SORCS1: variants seen among roughly 807,000 people sequenced by gnomAD.
The protein encoded by SORCS1 is sortilin related VPS10 domain containing receptor 1.
SORCS1 carries 60 observed loss-of-function variants against 146.1 expected under a neutral mutation model. The observed-to-expected ratio is 0.41, with a 90% CI of 0.33 to 0.51. The LOEUF (loss-of-function observed/expected upper bound fraction) is 0.51, where lower values mean the gene tolerates loss of function less well. SORCS1 is among the 20% of genes least tolerant of loss of function. The pLI, the probability that SORCS1 is intolerant of heterozygous loss-of-function variation, is 0.21. For synonymous variants in SORCS1, 637 were observed against 584.0 expected (o/e 1.09, Z -1.31); for missense variants, 1,352 against 1,487.6 (o/e 0.91, Z 1.50).
At chr10:106,810,857 T>C (rs1412505870) in intron 3 of SORCS1, among the ~76,000 whole-genome samples, 6 of 152,136 alleles carry the variant, frequency 3.9e-5, no homozygotes, top group African/African-American at 1.4e-4. Context: ...AGCAGCCAAA[T>C]GCAAAATACA....
chr10:106,954,153 T>G (rs1014268121), intron 2 of SORCS1, among the ~76,000 whole-genome samples: 3 of 152,268 alleles, frequency 2.0e-5, no homozygotes, highest in Admixed American at 6.5e-5. Context: ...TGCAGGCATG[T>G]TCTTTCCACT....
chr10:106,954,416 T>C (rs1256442252), intron 2 of SORCS1, among the ~76,000 whole-genome samples: 1 of 152,122 alleles, frequency 6.6e-6, no homozygotes, highest in African/African-American at 2.4e-5. Flanking sequence ...GGCTCCTTAA[T>C]GCACAAAAAA....
chr10:106,612,330 C>T (rs1256397882), intron 21 of SORCS1, among the ~76,000 whole-genome samples: 36 of 111,842 alleles, frequency 3.2e-4, no homozygotes, highest in African/African-American at 1.2e-3. Flanking sequence ...CCCCAGACTA[C>T]CCCTGGCCCC....
chr10:106,804,775 C>G (rs1947081172), intron 3 of SORCS1, among the ~76,000 whole-genome samples: 1 of 152,080 alleles, frequency 6.6e-6, no homozygotes, highest in East Asian at 1.9e-4. Context: ...ACATATATTA[C>G]AGCAACCCCT....
chr10:106,813,814 C>A (rs538152649), intron 3 of SORCS1, among the ~76,000 whole-genome samples: 3 of 151,898 alleles, frequency 2.0e-5, no homozygotes, highest in African/African-American at 4.8e-5. Flanking sequence ...GGACAGTGGG[C>A]GGTGTCATGT....
At chr10:106,704,744 G>A (rs1245288344) in intron 8 of SORCS1, among the ~76,000 whole-genome samples, 1 of 152,096 alleles carries the variant, frequency 6.6e-6, no homozygotes, top group Non-Finnish European at 1.5e-5. Context: ...TTATTCCCAA[G>A]AGTGCGCATA....
chr10:107,010,924 A>AT (rs1957671665), intron 1 of SORCS1, among the ~76,000 whole-genome samples: 1 of 152,078 alleles, frequency 6.6e-6, no homozygotes, highest in Non-Finnish European at 1.5e-5. Flanking sequence ...GAACACAGTG[A>AT]TTTTTTCACA....
At chr10:106,882,192 A>G (rs7098694) in intron 2 of SORCS1, among the ~76,000 whole-genome samples, 74,668 of 151,678 alleles carry the variant, frequency 0.49, 18,947 homozygotes, top group African/African-American at 0.63. Context: ...CAATCTTTTG[A>G]CTTCCCTAGG....
chr10:107,091,507 C>G (rs1964176772), intron 1 of SORCS1, among the ~76,000 whole-genome samples: 1 of 152,182 alleles, frequency 6.6e-6, no homozygotes, highest in African/African-American at 2.4e-5. Context: ...CCTCTGGCCT[C>G]CTGACAGTCC....
intron 24 of SORCS1, among the ~76,000 whole-genome samples, chr10:106,589,650 T>C (rs564743024): frequency 2.4e-4 from 34 of 143,360 alleles, no homozygotes; most frequent in Non-Finnish European, 1.3e-4. Flanking sequence ...ATATGTTTGA[T>C]GACATCCAAC....
rs77405206 is a variant in SORCS1 at position 106,938,877 on chromosome 10, T to C, written c.626+17636A>G. On this transcript the variant is annotated intron_variant, in intron 2 of 25. Transcript: ENST00000263054. ...TCAGCAAAACTCTGACTGCTAAGGT[T>C]ATTGTAGGCTGGGACATCCTGCTGC... Among the ~76,000 whole-genome samples the C allele has an allele frequency of 4.2e-4, 64 of 152,306 alleles. No homozygotes were observed. The East Asian group carries it at 0.012, about 28-fold the overall frequency.
At chr10:106,914,227 A>C (rs747419725) in intron 2 of SORCS1, among the ~76,000 whole-genome samples, 1 of 152,234 alleles carries the variant, frequency 6.6e-6, no homozygotes, top group Non-Finnish European at 1.5e-5. Context: ...CAAATTTATT[A>C]GCTTGTTTCT....
intron 1 of SORCS1, among the ~76,000 whole-genome samples, chr10:107,130,614 T>C (rs892910112): frequency 6.6e-6 from 1 of 152,156 alleles, no homozygotes; most frequent in African/African-American, 2.4e-5. Context: ...AGCACAAAAA[T>C]GTAAAGTCTT....
At chr10:106,668,871 G>C (rs1564838311) in intron 16 of SORCS1, among the ~76,000 whole-genome samples, 1 of 152,072 alleles carries the variant, frequency 6.6e-6, no homozygotes, top group East Asian at 1.9e-4. Context: ...CCAGGAGAGG[G>C]CCAAACCAAG....
intron 12 of SORCS1, 132 bp downstream of exon 12, chr10:106,679,124 G>C: frequency 1.7e-6 from 1 of 591,070 alleles, no homozygotes. Context: ...ATATAAAAAG[G>C]AAAAATAAAC....
rs574325764 is a variant in SORCS1, at chr10:106,709,622, G to A, written c.1025-281C>T. ...CACCACAATGCCCGGCTAATTTTTT[G>A]TATTTTTAGTAGAGACGGGGTTTCA... On this transcript the variant is annotated intron_variant, in intron 6 of 25. Transcript: ENST00000263054. Among the ~76,000 whole-genome samples, 301 of 151,838 alleles carry A rather than the reference G, an allele frequency of 2.0e-3. 2 individuals are homozygous for A. The highest frequency in any genetic ancestry group is 7.0e-3 in the African/African-American group (290 of 41,430).
At chr10:106,750,703 T>TG (rs1385326364) in intron 5 of SORCS1, among the ~76,000 whole-genome samples, 3 of 106,462 alleles carry the variant, frequency 2.8e-5, no homozygotes, top group African/African-American at 1.1e-4. Flanking sequence ...CACTCCAGAC[T>TG]GGGCGACAGG....
chr10:106,937,211 C>A (rs976507165), intron 2 of SORCS1, among the ~76,000 whole-genome samples: 2 of 151,076 alleles, frequency 1.3e-5, no homozygotes, highest in African/African-American at 2.4e-5. Context: ...GCTCTGTTGC[C>A]CAGGCTGGAA....
chr10:107,108,004 A>G lies in SORCS1; in HGVS notation c.558+55965T>C, dbSNP rs368421403. Among the ~76,000 whole-genome samples, 12 of 152,320 alleles carry G rather than the reference A, an allele frequency of 7.9e-5. No individual in the cohort carries two copies. The East Asian group carries it at 1.7e-3, about 22-fold the overall frequency. ...CAGAGAGGAGGCCTTCTCATCCACG[A>G]ACGCAGAGGGAGAAATGCCTGCCTG... On this transcript the variant is annotated intron_variant, in intron 1 of 25. Coordinates refer to ENST00000263054, the MANE Select transcript of SORCS1 (RefSeq NM_052918.5).
Sources: gnomAD v4.1 joint callset for allele counts (sites outside exome capture counted in the v4.1 genomes callset) on GRCh38, gnomAD v4.1.1 for gene constraint, MANE v1.5 for transcripts, NCBI Gene and HGNC (gene_info 2026-07-23, HGNC 2026-07-21) for gene names.